Variants in FNBP4 observed in about 807,000 individuals in gnomAD.
FNBP4 encodes formin binding protein 4.
In FNBP4, 34 loss-of-function variants were observed where a neutral mutation model predicts 119.3. The ratio of observed to expected loss-of-function variants is 0.28; its 90% confidence interval spans 0.22 to 0.38. The LOEUF (loss-of-function observed/expected upper bound fraction) is 0.38. FNBP4 is among the 10% of genes least tolerant of loss of function. The pLI is 1.00. For missense variants in FNBP4, 1,112 were observed against 1,228.9 expected (o/e 0.90, Z 1.42); for synonymous variants, 462 against 430.6 (o/e 1.07, Z -0.90).
chr11:47,762,244 A>G (rs1392011939), intron 2 of FNBP4, among the ~76,000 whole-genome samples: 1 of 149,990 alleles, frequency 6.7e-6, no homozygotes, highest in African/African-American at 2.5e-5. Flanking sequence ...CGATTCTCCC[A>G]CCTCAGCCTC....
At position 47,767,198 on chromosome 11, in the gene FNBP4, G is replaced by A. The variant is rs761955415; in HGVS notation, c.91C>T (p.Pro31Ser). 2.2e-5 allele frequency: 35 copies of A among 1,563,324 alleles called. No homozygotes were observed. The South Asian group carries it at 4.1e-4, about 18-fold the overall frequency. ...GGCTCAGTGTCGGGTTCCGGCTCCG[G>A]GTCCCGGCCCGGCGTGCTGCCCCGA... ...GPRGSTPGRD[P>S]EPEPDTEPDS... The change falls in exon 1 of 17, where the codon CCG becomes TCG. Residue 31 changes from proline (P) to serine (S), a missense_variant. By Grantham distance (74) the Pro-to-Ser change is moderately conservative. Around this residue, in one of 2 missense-constraint regions of FNBP4, gnomAD observed 286 missense variants for 240.1 expected, o/e 1.19. Coordinates refer to ENST00000263773, the MANE Select transcript of FNBP4 (RefSeq NM_015308.5).
At chr11:47,734,978 A>ACCC (rs1554979768) in intron 9 of FNBP4, among the ~76,000 whole-genome samples, 7 of 57,316 alleles carry the variant, frequency 1.2e-4, no homozygotes, top group African/African-American at 3.7e-4. Context: ...TCACCCCAAC[A>ACCC]CCCCCCCCCC....
At chr11:47,741,380 G>A (rs1170424073) in intron 8 of FNBP4, among the ~76,000 whole-genome samples, 1 of 151,622 alleles carries the variant, frequency 6.6e-6, no homozygotes, top group Non-Finnish European at 1.5e-5. Context: ...ATATTGTCCA[G>A]GCTGGTCTTG....
Position 47,751,240 on chromosome 11 carries a change from A to G in FNBP4, c.688T>C (p.Cys230Arg). The change falls in exon 5 of 17, where the codon TGT (cysteine) becomes CGT (arginine). Residue 230 changes from cysteine (C) to arginine (R), a missense_variant. This residue lies in a region of FNBP4 where 826 missense variants were observed against 988.8 expected (regional missense o/e 0.84). Coordinates refer to ENST00000263773, the MANE Select transcript of FNBP4 (RefSeq NM_015308.5). ...WQEVWDENTG[C>R]YYYWNTQTNE... ...GTTTGTGTATTCCAATAATAATAAC[A>G]TCCCGTGTTCTCATCCCAGACTTCC... The G allele has an allele frequency of 6.2e-7, 1 of 1,614,168 alleles. No homozygotes were observed. The highest frequency in any genetic ancestry group is 8.5e-7 in the Non-Finnish European group (1 of 1,180,038).
chr11:47,745,469 T>C (rs1045173696), intron 7 of FNBP4, among the ~76,000 whole-genome samples: 2 of 152,094 alleles, frequency 1.3e-5, no homozygotes, highest in African/African-American at 4.8e-5. Flanking sequence ...TGAAGTACCC[T>C]CAGGCTTATT....
intron 8 of FNBP4, among the ~76,000 whole-genome samples, chr11:47,739,128 C>A (rs545827006): frequency 2.2e-4 from 34 of 151,690 alleles, no homozygotes; most frequent in Non-Finnish European, 2.9e-4. Flanking sequence ...GACAAAGTCT[C>A]ACTATGTTGC....
At chr11:47,758,493 C>T (rs552335789) in intron 2 of FNBP4, among the ~76,000 whole-genome samples, 35 of 152,080 alleles carry the variant, frequency 2.3e-4, no homozygotes, top group Non-Finnish European at 4.1e-4. Context: ...TGAGCCACCT[C>T]GTCTGACCAC....
intron 6 of FNBP4, among the ~76,000 whole-genome samples, chr11:47,747,174 G>A (rs568251490): frequency 2.5e-4 from 38 of 152,192 alleles, no homozygotes; most frequent in Admixed American, 5.2e-4. Context: ...AAGTAGCTGG[G>A]ATTACAGGGA....
chr11:47,745,809 T>C (rs574748411), intron 7 of FNBP4, among the ~76,000 whole-genome samples: 9 of 152,198 alleles, frequency 5.9e-5, no homozygotes, highest in South Asian at 2.1e-4. Context: ...CCGACACTTA[T>C]GGAAAATAGA....
rs534553768 is a variant in FNBP4 at position 47,732,839 on chromosome 11, C to T, written c.1687-169G>A. 1.2e-4 allele frequency among the ~76,000 whole-genome samples: 19 copies of T among 152,280 alleles called. No homozygotes were observed. Among genetic ancestry groups the T allele is most frequent in the Non-Finnish European group, 2.5e-4 (17 of 68,030 alleles). ...TCATCTCATAAAATAATCTTAAGGCCGGGCATGGTGGCTCACGCCTGTAAT... is the reference window on the plus strand; with the variant it reads ...TCATCTCATAAAATAATCTTAAGGCTGGGCATGGTGGCTCACGCCTGTAAT... On this transcript the variant is annotated intron_variant, in intron 10 of 16. Transcript: ENST00000263773. This position sits in a 1 kb window ranked among gnomAD's most constrained non-coding sequence, Gnocchi z 4.2.
At chr11:47,756,181 T>C (rs1449596491) in intron 2 of FNBP4, among the ~76,000 whole-genome samples, 1 of 152,184 alleles carries the variant, frequency 6.6e-6, no homozygotes, top group Non-Finnish European at 1.5e-5. Flanking sequence ...GTAATGCTGC[T>C]ATGCCATTTC....
At chr11:47,721,350 G>C (rs1227826458) in intron 15 of FNBP4, among the ~76,000 whole-genome samples, 3 of 152,148 alleles carry the variant, frequency 2.0e-5, no homozygotes, top group African/African-American at 4.8e-5. Flanking sequence ...TCAGCACTTT[G>C]GGAGGCCAAG....
At position 47,751,168 on chromosome 11, in the gene FNBP4, G is replaced by C; in HGVS notation, c.760C>G (p.Gln254Glu). The C allele has an allele frequency of 6.2e-7, 1 of 1,614,072 alleles. No individual in the cohort carries two copies. The highest frequency in any genetic ancestry group is 8.5e-7 in the Non-Finnish European group (1 of 1,180,020). The change falls in exon 5 of 17, where the codon CAG becomes GAG. Residue 254 changes from glutamine to glutamate, a missense_variant. This residue lies in a region of FNBP4 where 826 missense variants were observed against 988.8 expected (regional missense o/e 0.84). Coordinates refer to ENST00000263773, the MANE Select transcript of FNBP4 (RefSeq NM_015308.5). ...ELPQYLATQV[Q>E]GLQHYQPSSV... is the part of the protein sequence containing the mutation. ...CTGGGCTGGTAATGCTGTAATCCCT[G>C]TACCTGTGTGGCAAGATATTGGGGT...
At chr11:47,766,622 G>C (rs1214404816) in intron 1 of FNBP4, among the ~76,000 whole-genome samples, 1 of 152,226 alleles carries the variant, frequency 6.6e-6, no homozygotes, top group Admixed American at 6.5e-5. Context: ...ATGCTTACTA[G>C]CTGGAATATT....
At chr11:47,765,680 G>A (rs1449724163) in intron 1 of FNBP4, among the ~76,000 whole-genome samples, 1 of 149,684 alleles carries the variant, frequency 6.7e-6, no homozygotes, top group African/African-American at 2.5e-5. Context: ...AGGCATGATG[G>A]CACTCGCTTG....
Position 47,734,020 on chromosome 11 carries a change from C to T in FNBP4, c.1686+5G>A. The T allele has an allele frequency of 3.0e-6, 3 of 1,008,706 alleles. No individual in the cohort carries two copies. Among genetic ancestry groups the T allele is most frequent in the Admixed American group, 2.8e-5 (1 of 35,698 alleles). The allele number at this position is 1,008,706 out of a possible 1,614,324, so 62.5% of individuals were successfully genotyped here. A position where few individuals can be genotyped will look rare whatever the true frequency, so the allele number is the denominator to read the frequency against. On this transcript the variant is annotated splice_donor_5th_base_variant and intron_variant, in intron 10 of 16. Transcript: ENST00000263773. ...TATGCCAAAAAAAAAAAAAAAAAGA[C>T]TTACCTCAGTCTGTAAGAGCAGCAC...
intron 2 of FNBP4, among the ~76,000 whole-genome samples, chr11:47,764,556 G>A (rs1227695411): frequency 6.6e-6 from 1 of 151,236 alleles, no homozygotes; most frequent in African/African-American, 2.4e-5. Flanking sequence ...AAATGGTGAG[G>A]AGAGAGGAAT....
At chr11:47,722,385 C>A (rs2097556838) in intron 15 of FNBP4, among the ~76,000 whole-genome samples, 1 of 151,350 alleles carries the variant, frequency 6.6e-6, no homozygotes, top group Non-Finnish European at 1.5e-5. Context: ...AATAGCTTAT[C>A]CCTATGCTTT....
chr11:47,722,770 T>C (rs976304033), intron 15 of FNBP4, among the ~76,000 whole-genome samples: 6 of 151,942 alleles, frequency 3.9e-5, no homozygotes, highest in Admixed American at 2.0e-4. Context: ...TTTGTATTTT[T>C]AGTAGAGACA....
Sources: gnomAD v4.1 joint callset for allele counts (sites outside exome capture counted in the v4.1 genomes callset) on GRCh38, gnomAD v4.1.1 for gene constraint, gnomAD v4.1.1 regional missense constraint, Gnocchi (gnomAD v3.1) non-coding constraint, MANE v1.5 for transcripts, NCBI Gene and HGNC (gene_info 2026-07-23, HGNC 2026-07-21) for gene names.